RGL3: variants seen among roughly 807,000 people sequenced by gnomAD.
RGL3 encodes the protein ral guanine nucleotide dissociation stimulator-like 3.
A neutral mutation model predicts 90.6 loss-of-function variants in RGL3; 85 were observed. That is an observed-to-expected ratio of 0.94 (90% CI 0.79 to 1.12). The LOEUF (loss-of-function observed/expected upper bound fraction) is 1.12. RGL3 is among the 50% of genes most tolerant of loss of function. The pLI is 0.00. For missense variants in RGL3, 1,034 were observed against 939.2 expected (o/e 1.10, Z -1.32); for synonymous variants, 408 against 385.5 (o/e 1.06, Z -0.68).
Position 11,394,533 on chromosome 19 carries a change from G to A in RGL3, c.2015-13C>T, listed in dbSNP as rs1968531760. On this transcript the variant is annotated splice_polypyrimidine_tract_variant and intron_variant, in intron 18 of 18. Coordinates refer to ENST00000380456, the MANE Select transcript of RGL3 (RefSeq NM_001035223.4). ...GGAATCAGGAGCACTGGTCAGGAGTGGAGATGGTGGTAATAGGCCCTCACA... is the reference window on the plus strand; with the variant it reads ...GGAATCAGGAGCACTGGTCAGGAGTAGAGATGGTGGTAATAGGCCCTCACA... The A allele has an allele frequency of 6.3e-7, 1 of 1,595,518 alleles. No homozygotes were observed. The highest frequency in any genetic ancestry group is 1.7e-5 in the Admixed American group (1 of 59,924).
chr19:11,402,050 GC>G lies in RGL3; in HGVS notation c.1444del (p.Ala482LeufsTer104). ...YTLSPHPPIL[A>X]ALHAQNQLTE... ...GAGCTGGTTCTGGGCATGCAGGGCA[GC>G]CAGGATGGGCGGGTGGGGGCTCAGG... On this transcript the variant is annotated frameshift_variant, in exon 13 of 19. Coordinates refer to ENST00000380456, the MANE Select transcript of RGL3 (RefSeq NM_001035223.4). LOFTEE classifies it high-confidence loss of function. 6.4e-7 allele frequency: 1 copy of G among 1,570,976 alleles called. No individual in the cohort carries two copies. The highest frequency in any genetic ancestry group is 8.6e-7 in the Non-Finnish European group (1 of 1,158,200).
rs1184226307 is a variant in RGL3 at position 11,397,595 on chromosome 19, C to T, written c.1749G>A (p.Leu583=). 30 of 1,548,608 alleles carry T rather than the reference C, an allele frequency of 1.9e-5. No homozygotes were observed. Among genetic ancestry groups the T allele is most frequent in the Non-Finnish European group, 2.4e-5 (27 of 1,144,808 alleles). Residue 583 remains leucine (L), a splice_region_variant and synonymous_variant, in exon 17 of 19, where the codon CTG becomes CTA. Transcript: ENST00000380456. ...GGCTGGGCAGGTCCAGGCTCAGGGG[C>T]AGCTGCAGGCAGTAAGGGGTGGAGG... The part of the protein sequence containing the change: ...SPGPQGPSTK[L]PLSLDLPSPR...
intron 9 of RGL3, among the ~76,000 whole-genome samples, chr19:11,402,965 G>A (rs1325842784): frequency 3.3e-5 from 5 of 151,870 alleles, no homozygotes; most frequent in African/African-American, 7.2e-5. Context: ...AAAATTAGCC[G>A]GGTATGGTGG....
intron 5 of RGL3, among the ~76,000 whole-genome samples, chr19:11,414,166 T>TATACAC (rs1171923889): frequency 3.6e-5 from 4 of 112,524 alleles, no homozygotes; most frequent in Admixed American, 9.8e-5. Flanking sequence ...TATATATATA[T>TATACAC]ATATATATAT....
chr19:11,402,409 G>T, intron 11 of RGL3, 46 bp downstream of exon 11: 1 of 1,578,364 alleles, frequency 6.3e-7, no homozygotes, highest in Non-Finnish European at 8.6e-7. Flanking sequence ...CATTGTGCTG[G>T]GGGCAAGTGG....
chr19:11,414,191 ATACCTT>A (rs1432763857), intron 5 of RGL3, among the ~76,000 whole-genome samples: 46 of 101,190 alleles, frequency 4.5e-4, no homozygotes, highest in African/African-American at 1.8e-3. Flanking sequence ...CTATATATAT[ATACCTT>A]TATATATATA....
intron 1 of RGL3, 47 bp from the exon 2 acceptor site, chr19:11,418,831 GGGCCTCA>G (rs1277520105): frequency 6.8e-7 from 1 of 1,462,874 alleles, no homozygotes; most frequent in African/African-American, 1.4e-5. Context: ...ACAGGTCCTG[GGGCCTCA>G]GCCTCCTTGG....
chr19:11,408,102 G>A (rs1204026533), intron 5 of RGL3, among the ~76,000 whole-genome samples: 1 of 152,042 alleles, frequency 6.6e-6, no homozygotes, highest in Non-Finnish European at 1.5e-5. Flanking sequence ...TGAGTTGCTG[G>A]GACTATAGGC....
intron 7 of RGL3, 65 bp from the exon 8 acceptor site, chr19:11,405,491 C>G: frequency 7.1e-6 from 1 of 139,996 alleles, no homozygotes. Context: ...GAAACTTCTT[C>G]ATCTTTTTTT....
intron 5 of RGL3, among the ~76,000 whole-genome samples, chr19:11,409,468 G>A (rs959181162): frequency 8.6e-5 from 13 of 151,664 alleles, no homozygotes; most frequent in African/African-American, 3.2e-4. Flanking sequence ...GCGACAGAGC[G>A]AGACTCCATC....
At chr19:11,416,216 CTTTTTTTT>C (rs143904966) in intron 4 of RGL3, 68 bp from the exon 5 acceptor site, 30 of 628,330 alleles carry the variant, frequency 4.8e-5, no homozygotes, top group South Asian at 6.0e-5. Context: ...CTCCTGGTAC[CTTTTTTTT>C]TTTTTTTTTT....
chr19:11,406,391 G>T (rs1248430980), intron 7 of RGL3, 28 bp downstream of exon 7: 2 of 1,518,802 alleles, frequency 1.3e-6, no homozygotes, highest in East Asian at 2.5e-5. Flanking sequence ...GCCCGCCCCC[G>T]CATCCCCTCT....
intron 5 of RGL3, among the ~76,000 whole-genome samples, chr19:11,412,203 C>G (rs1034769491): frequency 1.3e-5 from 2 of 150,578 alleles, no homozygotes; most frequent in East Asian, 3.9e-4. Context: ...TCACTTGAAC[C>G]CAGGAGGCAG....
Position 11,406,403 on chromosome 19 carries a change from C to A in RGL3, c.996+16G>T, listed in dbSNP as rs1371359572. On this transcript the variant is annotated intron_variant, in intron 7 of 18. Coordinates refer to ENST00000380456, the MANE Select transcript of RGL3 (RefSeq NM_001035223.4). ...AGGGCCCGCCCCCGCATCCCCTCTC[C>A]GCGCCCGCAACACACCTGGGCGATG... The A allele has an allele frequency of 9.8e-6, 15 of 1,525,140 alleles. No individual in the cohort carries two copies. The East Asian group carries it at 2.5e-4, about 25-fold the overall frequency. 94.5% of individuals were successfully genotyped at this position (1,525,140 alleles called of 1,614,324 possible). A position where few individuals can be genotyped will look rare whatever the true frequency, so the allele number is the denominator to read the frequency against.
chr19:11,403,482 T>C (rs1212055388), intron 9 of RGL3, among the ~76,000 whole-genome samples: 1 of 149,680 alleles, frequency 6.7e-6, no homozygotes, highest in Non-Finnish European at 1.5e-5. Flanking sequence ...CTACTAAGAA[T>C]ATAAAAAACT....
Position 11,394,297 on chromosome 19 carries a change from G to A in RGL3, c.*105C>T. On this transcript the variant is annotated 3_prime_UTR_variant, in exon 19 of 19. Transcript: ENST00000380456. ...TGGGCTACAGTTGGGTGGTGGTCCT[G>A]GGATACACAGCACAGTGGCCTCTAC... The A allele has an allele frequency of 1.2e-6, 1 of 843,046 alleles. No individual in the cohort carries two copies. The highest frequency in any genetic ancestry group is 3.3e-4 in the Middle Eastern group (1 of 2,998). The allele number at this position is 843,046 out of a possible 1,614,324, so 52.2% of individuals were successfully genotyped here.
chr19:11,412,261 CA>C (rs1968887238), intron 5 of RGL3, among the ~76,000 whole-genome samples: 2 of 120,662 alleles, frequency 1.7e-5, no homozygotes, highest in East Asian at 2.5e-4. Flanking sequence ...GCCTGGGCAA[CA>C]AGAGCGAAAC....
Position 11,405,308 on chromosome 19 carries a change from C to G in RGL3, c.1100+15G>C, listed in dbSNP as rs753704389. The stretch of plus-strand genomic sequence containing the variant: ...ACCTGGGATGGGCTGGGGAACAGGT[C>G]CCGCCCCAGCTCACCGGCTCACTGC... On this transcript the variant is annotated intron_variant, in intron 8 of 18. Coordinates refer to ENST00000380456, the MANE Select transcript of RGL3 (RefSeq NM_001035223.4). The G allele has an allele frequency of 1.9e-6, 3 of 1,612,604 alleles. No individual in the cohort carries two copies. The highest frequency in any genetic ancestry group is 1.7e-6 in the Non-Finnish European group (2 of 1,178,904).
At chr19:11,395,092 C>CA (rs1285875207) in intron 18 of RGL3, among the ~76,000 whole-genome samples, 2,969 of 121,538 alleles carry the variant, frequency 0.024, 62 homozygotes, top group African/African-American at 0.07. Context: ...GACTCCATCT[C>CA]AAAAAAAAAA....
Sources: allele counts gnomAD v4.1 joint callset (sites outside exome capture counted in the v4.1 genomes callset), GRCh38; gene constraint gnomAD v4.1.1; transcripts MANE v1.5; gene names NCBI Gene and HGNC (gene_info 2026-07-23, HGNC 2026-07-21).